PEX16: variants seen among roughly 807,000 people sequenced by gnomAD.
PEX16 encodes peroxin 16.
A neutral mutation model predicts 50.5 loss-of-function variants in PEX16; 37 were observed. The ratio of observed to expected loss-of-function variants is 0.73; its 90% confidence interval spans 0.56 to 0.96. The LOEUF (loss-of-function observed/expected upper bound fraction) is 0.96, where lower values mean the gene tolerates loss of function less well. Ranked by LOEUF, PEX16 falls within the 40% of genes least tolerant of loss-of-function variation. The pLI, the probability that PEX16 is intolerant of heterozygous loss-of-function variation, is 0.00. For synonymous variants in PEX16, 185 were observed against 190.3 expected (o/e 0.97, Z 0.23); for missense variants, 401 against 438.3 (o/e 0.91, Z 0.76).
rs1279952356 is a variant in PEX16, at chr11:45,914,173, G to T, written c.725C>A (p.Ser242Ter). 1.2e-6 allele frequency: 2 copies of T among 1,611,106 alleles called. No individual in the cohort carries two copies. Among genetic ancestry groups the T allele is most frequent in the African/African-American group, 1.3e-5 (1 of 74,718 alleles). The change falls in exon 8 of 11, where the codon TCG becomes TAG. Residue 242 changes from serine (S) to a stop codon, truncating the protein, a stop_gained. Coordinates refer to ENST00000378750, the MANE Select transcript of PEX16 (RefSeq NM_004813.4). LOFTEE classifies it high-confidence loss of function. Reference sequence around the variant, plus strand: ...ACCAGCCAAGAGCCAGGGTTTCCACGACCTCTGACCCCACAGGCCCAGGCT... The same window carrying T: ...ACCAGCCAAGAGCCAGGGTTTCCACTACCTCTGACCCCACAGGCCCAGGCT... ...LLSLGLWGQR[S>*]WKPWLLAGVV...
In PEX16 at chr11:45,916,354, T is replaced by A. The variant is rs544335086; in HGVS notation, c.149-51A>T. The A allele has an allele frequency of 7.3e-6, 10 of 1,363,170 alleles. No individual in the cohort carries two copies. The South Asian group carries it at 1.2e-4, about 16-fold the overall frequency. 84.4% of individuals were successfully genotyped at this position (1,363,170 alleles called of 1,614,324 possible). A position where few individuals can be genotyped will look rare whatever the true frequency, so the allele number is the denominator to read the frequency against. Reference sequence around the variant, plus strand: ...AGGCTGGCTCTGCAGCCTCCATCCCTCTCACCTTCTCCCCAGAGCTGCAGG... The same window carrying A: ...AGGCTGGCTCTGCAGCCTCCATCCCACTCACCTTCTCCCCAGAGCTGCAGG... On this transcript the variant is annotated intron_variant, in intron 2 of 10. Coordinates refer to ENST00000378750, the MANE Select transcript of PEX16 (RefSeq NM_004813.4).
At chr11:45,915,142 G>C (rs567675310) in intron 5 of PEX16, among the ~76,000 whole-genome samples, 1 of 152,250 alleles carries the variant, frequency 6.6e-6, no homozygotes, top group Non-Finnish European at 1.5e-5. Flanking sequence ...GATGTGGTGC[G>C]TGCCCTGCCT....
Position 45,914,454 on chromosome 11 carries a change from A to T in PEX16, c.556T>A (p.Ser186Thr). 1 of 1,608,166 alleles carries T rather than the reference A, an allele frequency of 6.2e-7. No homozygotes were observed. Among genetic ancestry groups the T allele is most frequent in the South Asian group, 1.1e-5 (1 of 91,052 alleles). ...TGCTGGGGAGCTCCCCAGTGCCTGG[A>T]GTGCAGGGACGGCGCTAGAACACAA... ...RTLQNTPSLH[S>T]RHWGAPQQRE... Residue 186 changes from serine (S) to threonine (T), a missense_variant, in exon 7 of 11, where the codon TCC becomes ACC. Transcript: ENST00000378750.
chr11:45,916,549 ATGGCAC>A (rs2086838187), intron 2 of PEX16, among the ~76,000 whole-genome samples: 2 of 152,338 alleles, frequency 1.3e-5, no homozygotes, highest in African/African-American at 4.8e-5. Context: ...GCCCTGCTGG[ATGGCAC>A]TGGTCATCCA....
At position 45,917,307 on chromosome 11, in the gene PEX16, A is replaced by G. The variant is rs535909273; in HGVS notation, c.148+151T>C. On this transcript the variant is annotated intron_variant, in intron 2 of 10. Transcript: ENST00000378750. Reference sequence around the variant, plus strand: ...TTAGGGACATGGAGGGCCCAGGACAATGAACAACAGACCTTGTGCCGATTC... The same window carrying G: ...TTAGGGACATGGAGGGCCCAGGACAGTGAACAACAGACCTTGTGCCGATTC... 1.9e-5 allele frequency: 14 copies of G among 737,696 alleles called. No homozygotes were observed. The African/African-American group carries it at 2.1e-4, about 11-fold the overall frequency. 45.7% of individuals were successfully genotyped at this position (737,696 alleles called of 1,614,324 possible). A position where few individuals can be genotyped will look rare whatever the true frequency, so the allele number is the denominator to read the frequency against.
At position 45,915,510 on chromosome 11, in the gene PEX16, G is replaced by A. The variant is rs749891033; in HGVS notation, c.418C>T (p.Pro140Ser). ...WFKAGLQTSPPIVPLDRETQA... is the reference protein window; with the variant it reads ...WFKAGLQTSPSIVPLDRETQA... Reference sequence around the variant, plus strand: ...GTCTCTCTGTCCAGTGGAACGATAGGGGGTGAAGTCTGGAGGCCAGCCTTG... The same window carrying A: ...GTCTCTCTGTCCAGTGGAACGATAGAGGGTGAAGTCTGGAGGCCAGCCTTG... Residue 140 changes from proline to serine, a missense_variant, in exon 5 of 11, where the codon CCT becomes TCT. Transcript: ENST00000378750. 3 of 1,614,072 alleles carry A rather than the reference G, an allele frequency of 1.9e-6. No homozygotes were observed. The highest frequency in any genetic ancestry group is 4.5e-5 in the East Asian group (2 of 44,888).
chr11:45,917,540 AT>A, intron 1 of PEX16, 47 bp from the exon 2 acceptor site: 1 of 1,610,578 alleles, frequency 6.2e-7, no homozygotes, highest in South Asian at 1.1e-5. Flanking sequence ...TCTGCCTCAC[AT>A]TTCGTCTTCG....
Position 45,915,570 on chromosome 11 carries a change from T to C in PEX16, c.360-2A>G. 4 of 1,614,078 alleles carry C rather than the reference T, an allele frequency of 2.5e-6. No homozygotes were observed. The highest frequency in any genetic ancestry group is 2.5e-6 in the Non-Finnish European group (3 of 1,179,990). ...AGCAGGAGCATCCGCAGTACAGCCCTGGGTCGGGGAGTATGTCAGGGTTGT... is the reference window on the plus strand; with the variant it reads ...AGCAGGAGCATCCGCAGTACAGCCCCGGGTCGGGGAGTATGTCAGGGTTGT... On this transcript the variant is annotated splice_acceptor_variant, in intron 4 of 10. Transcript: ENST00000378750. LOFTEE classifies it high-confidence loss of function.
At position 45,914,446 on chromosome 11, in the gene PEX16, G is replaced by A. The variant is rs966472584; in HGVS notation, c.564C>T (p.His188=). ...LQNTPSLHSR[H]WGAPQQREGR... The stretch of plus-strand genomic sequence containing the variant: ...CCTCCCGCTGCTGGGGAGCTCCCCA[G>A]TGCCTGGAGTGCAGGGACGGCGCTA... The change falls in exon 7 of 11, where the codon CAC becomes CAT. Residue 188 remains histidine (H), a synonymous_variant. Transcript: ENST00000378750. 4 of 1,608,462 alleles carry A rather than the reference G, an allele frequency of 2.5e-6. No homozygotes were observed. Among genetic ancestry groups the A allele is most frequent in the Non-Finnish European group, 3.4e-6 (4 of 1,179,960 alleles).
chr11:45,917,678 T>C, intron 1 of PEX16, 22 bp downstream of exon 1: 1 of 1,540,188 alleles, frequency 6.5e-7, no homozygotes, highest in Non-Finnish European at 8.8e-7. Flanking sequence ...CAGAAGGAAC[T>C]GATCAAAGGT....
At position 45,909,667 on chromosome 11, in the gene PEX16, T is replaced by A; in HGVS notation, c.*587A>T. ...GCTGGCCAGTGCCCGATGTCCTTTT[T>A]CTAAGGGAGAAAAGCCTTTTACTCT... On this transcript the variant is annotated 3_prime_UTR_variant, in exon 11 of 11. Coordinates refer to ENST00000378750, the MANE Select transcript of PEX16 (RefSeq NM_004813.4). The A allele has an allele frequency of 4.4e-6, 1 of 228,056 alleles. No individual in the cohort carries two copies. The highest frequency in any genetic ancestry group is 2.2e-5 in the African/African-American group (1 of 44,556). The allele number at this position is 228,056 out of a possible 1,614,324, so 14.1% of individuals were successfully genotyped here.
intron 9 of PEX16, among the ~76,000 whole-genome samples, chr11:45,912,210 T>C (rs2086786294): frequency 6.6e-6 from 1 of 151,546 alleles, no homozygotes; most frequent in Admixed American, 6.6e-5. Context: ...AAAAAAAAGA[T>C]GGGTCAGGCC....
At chr11:45,911,143 G>C (rs1367078274) in intron 9 of PEX16, among the ~76,000 whole-genome samples, 181 bp from the exon 10 acceptor site, 1 of 152,222 alleles carries the variant, frequency 6.6e-6, no homozygotes, top group African/African-American at 2.4e-5. Flanking sequence ...TCTGGGGTTG[G>C]CTCTGGCCTC....
At chr11:45,916,162 C>T (rs942374115) in intron 3 of PEX16, 65 bp downstream of exon 3, 13 of 1,183,828 alleles carry the variant, frequency 1.1e-5, no homozygotes, top group African/African-American at 3.0e-5. Flanking sequence ...CACGCATGGG[C>T]TAGCTGCTAC....
rs375515674 is a variant in PEX16 at position 45,914,394 on chromosome 11, G to C, written c.616C>G (p.Leu206Val). 34 of 1,609,844 alleles carry C rather than the reference G, an allele frequency of 2.1e-5. No homozygotes were observed. Among genetic ancestry groups the C allele is most frequent in the African/African-American group, 4.0e-5 (3 of 74,942 alleles). The change falls in exon 7 of 11, where the codon CTG becomes GTG. Residue 206 changes from leucine to valine, a missense_variant. Coordinates refer to ENST00000378750, the MANE Select transcript of PEX16 (RefSeq NM_004813.4). ...CCCAGGGGGGTGGGGGTCGCACTCA[G>C]CTCCTCGTGATGCTGCTGCTGCCGT... The part of the protein sequence containing the change: ...EGRQQQHHEE[L>V]SATPTPLGLQ...
chr11:45,914,559 G>A (rs1460543879), intron 6 of PEX16, 45 bp downstream of exon 6: 1 of 1,612,298 alleles, frequency 6.2e-7, no homozygotes, highest in Non-Finnish European at 8.5e-7. Flanking sequence ...TCAAGCCCAG[G>A]CAGACAGCAC....
rs746963607 is a variant in PEX16, at chr11:45,916,323, C to T, written c.149-20G>A. 7 of 1,599,980 alleles carry T rather than the reference C, an allele frequency of 4.4e-6. No individual in the cohort carries two copies. The East Asian group carries it at 1.6e-4, about 36-fold the overall frequency. ...AGTACACTGAGGGGTAGAGAGTGGC[C>T]TTGAGAGGCTGGCTCTGCAGCCTCC... is the stretch of plus-strand genomic sequence containing the variant. On this transcript the variant is annotated intron_variant, in intron 2 of 10. Coordinates refer to ENST00000378750, the MANE Select transcript of PEX16 (RefSeq NM_004813.4).
chr11:45,913,749 C>G (rs1244383378), intron 9 of PEX16, 70 bp downstream of exon 9: 6 of 1,582,876 alleles, frequency 3.8e-6, no homozygotes, highest in Non-Finnish European at 5.2e-6. Context: ...GGGAAGGCGC[C>G]AGCAGGGACC....
rs1257293830 is a variant in PEX16, at chr11:45,917,847, G to T, written c.-36C>A. The stretch of plus-strand genomic sequence containing the variant: ...GCACCGACAGACCCACAGAAGGACC[G>T]TACGACAGGCTGCGGCGCCCTGCTT... On this transcript the variant is annotated 5_prime_UTR_variant, in exon 1 of 11. Coordinates refer to ENST00000378750, the MANE Select transcript of PEX16 (RefSeq NM_004813.4). The T allele has an allele frequency of 2.1e-6, 3 of 1,429,320 alleles. No individual in the cohort carries two copies. Among genetic ancestry groups the T allele is most frequent in the South Asian group, 1.2e-5 (1 of 81,872 alleles). The allele number at this position is 1,429,320 out of a possible 1,614,324, so 88.5% of individuals were successfully genotyped here. A position where few individuals can be genotyped will look rare whatever the true frequency, so the allele number is the denominator to read the frequency against.
Sources: gnomAD v4.1 joint callset for allele counts (sites outside exome capture counted in the v4.1 genomes callset) on GRCh38, gnomAD v4.1.1 for gene constraint, MANE v1.5 for transcripts, NCBI Gene and HGNC (gene_info 2026-07-23, HGNC 2026-07-21) for gene names.